MACF1: variants seen among roughly 807,000 people sequenced by gnomAD.
MACF1 encodes microtubule actin crosslinking factor 1, also known as microtubule-actin cross-linking factor 1.
MACF1 carries 193 observed loss-of-function variants against 854.8 expected under a neutral mutation model. The ratio of observed to expected loss-of-function variants is 0.23; its 90% CI spans 0.20 to 0.25. The LOEUF (loss-of-function observed/expected upper bound fraction) is 0.25. Among genes scored for constraint, MACF1 ranks in the 10% least tolerant of loss-of-function variants. The probability of loss-of-function intolerance (pLI) is 1.00; values close to 1 mark genes in which losing one functional copy is unlikely to be tolerated. For synonymous variants in MACF1, 3,185 were observed against 3,226.7 expected, an observed-to-expected ratio of 0.99 and a Z score of 0.44; for missense variants, 7,722 against 8,929.1, an observed-to-expected ratio of 0.86 and a Z score of 5.45.
chr1:39,421,078 G>A (rs1256530296), intron 58 of MACF1, among the ~76,000 whole-genome samples: 3 of 152,036 alleles, frequency 2.0e-5, no homozygotes, highest in Non-Finnish European at 4.4e-5. Context: ...TGTTAGTCAG[G>A]ATGGTCTCAA....
chr1:39,219,840 G>A lies in MACF1; in HGVS notation c.110-11342G>A, dbSNP rs1030084510. On this transcript the variant is annotated intron_variant, in intron 1 of 100. Coordinates refer to ENST00000564288, the MANE Select transcript of MACF1 (RefSeq NM_001394062.1). ...ATCTCAGCTCACTGCAACCTCTGCC[G>A]CCCGGGTCCAAGCAGTTTTCCTGCC... is the stretch of plus-strand genomic sequence containing the variant. Among the ~76,000 whole-genome samples the A allele has an allele frequency of 4.6e-5, 7 of 151,820 alleles. No individual in the cohort carries two copies. In the East Asian group the frequency reaches 5.8e-4, roughly 13 times the overall value.
rs776073859 is a variant in MACF1, at chr1:39,429,256, A to C, written c.16818A>C (p.Glu5606Asp). ...TTTCCTTTCAGGCTTTAAATGAAGAAATTGTTAATAGAAAGAAGAATGTAG... is the reference window on the plus strand; with the variant it reads ...TTTCCTTTCAGGCTTTAAATGAAGACATTGTTAATAGAAAGAAGAATGTAG... ...QHADHLALNEEIVNRKKNVDQ... is the reference protein window; with the variant it reads ...QHADHLALNEDIVNRKKNVDQ... Residue 5606 changes from glutamate (E) to aspartate (D), a missense_variant, in exon 64 of 101, where the codon GAA (glutamate) becomes GAC (aspartate). Glu to Asp is a conservative substitution (Grantham distance 45, BLOSUM62 2). Coordinates refer to ENST00000564288, the MANE Select transcript of MACF1 (RefSeq NM_001394062.1). 6.5e-7 allele frequency: 1 copy of C among 1,546,152 alleles called. No homozygotes were observed.
chr1:39,373,501 A>C, intron 52 of MACF1: 1 of 143,798 alleles, frequency 7.0e-6, no homozygotes, highest in Admixed American at 7.0e-5. Context: ...AAAAAAAAAA[A>C]GTTGGGAAAG....
chr1:39,445,645 A>G (rs759924462), intron 80 of MACF1, among the ~76,000 whole-genome samples: 25 of 152,232 alleles, frequency 1.6e-4, no homozygotes, highest in Non-Finnish European at 3.2e-4. Context: ...AAGAATGGCT[A>G]AAGGACCTAA....
chr1:39,468,314 G>A (rs971942119), intron 95 of MACF1: 3 of 225,706 alleles, frequency 1.3e-5, no homozygotes, highest in African/African-American at 6.9e-5. Flanking sequence ...GCTTGAACCT[G>A]GGAGGCAGAG....
rs1294066068 is a variant in MACF1, at chr1:39,460,206, G to C, written c.21361-426G>C. Among the ~76,000 whole-genome samples the C allele has an allele frequency of 6.6e-6, 1 of 152,154 alleles. No individual in the cohort carries two copies. Among genetic ancestry groups the C allele is most frequent in the Non-Finnish European group, 1.5e-5 (1 of 68,034 alleles). On this transcript the variant is annotated intron_variant, in intron 91 of 100. Coordinates refer to ENST00000564288, the MANE Select transcript of MACF1 (RefSeq NM_001394062.1). The surrounding 1 kb of genome is among the most constrained non-coding windows in gnomAD (Gnocchi z 4.1). ...TCTCAGAAGATAGTGGTAAACACGA[G>C]CCTCCTGATATGAGCCCTATGTGTG...
At chr1:39,227,847 C>G (rs1212217255) in intron 1 of MACF1, among the ~76,000 whole-genome samples, 1 of 152,190 alleles carries the variant, frequency 6.6e-6, no homozygotes, top group Non-Finnish European at 1.5e-5. Context: ...TCCTTCCCTT[C>G]TCTTTCTGGC....
chr1:39,149,664 G>C (rs1275722219), intron 2 of MACF1, among the ~76,000 whole-genome samples: 1 of 152,182 alleles, frequency 6.6e-6, no homozygotes, highest in Non-Finnish European at 1.5e-5. Flanking sequence ...ACATGCTCCG[G>C]TGGAAATGTT....
chr1:39,446,441 C>T (rs1199577159), intron 80 of MACF1, among the ~76,000 whole-genome samples: 3 of 151,436 alleles, frequency 2.0e-5, no homozygotes, highest in Non-Finnish European at 4.4e-5. Flanking sequence ...TTTCATTTTT[C>T]CACCTGATTT....
chr1:39,276,918 A>G (rs1398864879), intron 6 of MACF1, among the ~76,000 whole-genome samples: 1 of 152,174 alleles, frequency 6.6e-6, no homozygotes, highest in Non-Finnish European at 1.5e-5. Flanking sequence ...TGCTAGTTCA[A>G]TCACTATCAT....
Position 39,387,432 on chromosome 1 carries a change from G to T in MACF1, c.14590G>T (p.Val4864Leu). The part of the protein sequence containing the change: ...VAEGESLLLS[V>L]PPGEEKRTLQ... ...TGAAGGGGAATCTCTACTTCTTTCT[G>T]TACCTCCTGGAGAAGAGAAAAGGAC... The change falls in exon 58 of 101, where the codon GTA becomes TTA. Residue 4864 changes from valine (V) to leucine (L), a missense_variant. Transcript: ENST00000564288. The T allele has an allele frequency of 6.2e-7, 1 of 1,614,188 alleles. No individual in the cohort carries two copies. The highest frequency in any genetic ancestry group is 8.5e-7 in the Non-Finnish European group (1 of 1,180,044).
At chr1:39,122,479 T>G (rs915416159) in intron 2 of MACF1, among the ~76,000 whole-genome samples, 9 of 152,064 alleles carry the variant, frequency 5.9e-5, no homozygotes, top group African/African-American at 1.4e-4. Context: ...AGTCTTGAAC[T>G]CCTGACCTCA....
chr1:39,481,685 G>A (rs563076486), intron 99 of MACF1, among the ~76,000 whole-genome samples: 27 of 152,310 alleles, frequency 1.8e-4, no homozygotes, highest in Admixed American at 5.9e-4. Context: ...GTGCCTGAAC[G>A]CTTTTGGAAG....
chr1:39,477,694 G>T (rs537351469), intron 97 of MACF1, among the ~76,000 whole-genome samples: 1 of 152,018 alleles, frequency 6.6e-6, no homozygotes, highest in African/African-American at 2.4e-5. Context: ...GGGGTCGGGG[G>T]ACAAAGAGGA....
chr1:39,335,691 T>C lies in MACF1; in HGVS notation c.9103T>C (p.Phe3035Leu), dbSNP rs1212443887. Reference protein sequence around the residue: ...KGKEADTEMGFSITFKIEESS... With the variant: ...KGKEADTEMGLSITFKIEESS... ...GAAAGAAGCTGATACAGAAATGGGA[T>C]TTTCTATTACTTTTAAAATTGAAGA... Residue 3035 changes from phenylalanine (F) to leucine (L), a missense_variant, in exon 37 of 101, where the codon TTT (phenylalanine) becomes CTT (leucine). Phe to Leu is a conservative substitution (Grantham distance 22). Coordinates refer to ENST00000564288, the MANE Select transcript of MACF1 (RefSeq NM_001394062.1). The C allele has an allele frequency of 6.2e-7, 1 of 1,613,372 alleles. No individual in the cohort carries two copies. Among genetic ancestry groups the C allele is most frequent in the Non-Finnish European group, 8.5e-7 (1 of 1,179,848 alleles).
At chr1:39,090,884 A>G (rs1162964946) in intron 2 of MACF1, among the ~76,000 whole-genome samples, 2 of 152,204 alleles carry the variant, frequency 1.3e-5, no homozygotes, top group Non-Finnish European at 2.9e-5. Context: ...AAAGTGTTAT[A>G]TGGAGCCTGG....
Position 39,388,075 on chromosome 1 carries a change from A to C in MACF1, c.15233A>C (p.Glu5078Ala). The change falls in exon 58 of 101, where the codon GAA (glutamate) becomes GCA (alanine). Residue 5078 changes from glutamate (E) to alanine (A), a missense_variant. By Grantham distance (107) the Glu-to-Ala change is moderately radical. Around this residue, in one of 15 missense-constraint regions of MACF1, gnomAD observed 2,807 missense variants for 3,235.8 expected, o/e 0.87. Transcript: ENST00000564288. ...AGGAACTTTACTCAGGGTCTGGTAG[A>C]AGATGCCCCAGATGGATCTGATGCT... ...YLRNFTQGLV[E>A]DAPDGSDASQ... 6.2e-7 allele frequency: 1 copy of C among 1,614,120 alleles called. No homozygotes were observed. The highest frequency in any genetic ancestry group is 8.5e-7 in the Non-Finnish European group (1 of 1,180,032).
Position 39,284,275 on chromosome 1 carries a change from A to G in MACF1, c.1036-58A>G. 1.9e-6 allele frequency: 3 copies of G among 1,566,282 alleles called. No individual in the cohort carries two copies. The East Asian group carries it at 6.7e-5, about 35-fold the overall frequency. ...ACTGCTGGCTTCTAGGTGAGGTGGT[A>G]TGAAAAATTGGGTCCTATAGTTTGT... On this transcript the variant is annotated intron_variant, in intron 10 of 100. Coordinates refer to ENST00000564288, the MANE Select transcript of MACF1 (RefSeq NM_001394062.1).
chr1:39,458,184 C>A, intron 89 of MACF1, 186 bp from the exon 90 acceptor site: 1 of 558,426 alleles, frequency 1.8e-6, no homozygotes, highest in Non-Finnish European at 3.2e-6. Context: ...AATCACATTT[C>A]AACATGAGAT....
Sources: gnomAD v4.1 joint callset for allele counts (sites outside exome capture counted in the v4.1 genomes callset) on GRCh38, gnomAD v4.1.1 for gene constraint, gnomAD v4.1.1 regional missense constraint, Gnocchi (gnomAD v3.1) non-coding constraint, MANE v1.5 for transcripts, NCBI Gene and HGNC (gene_info 2026-07-23, HGNC 2026-07-21) for gene names.